RIT2: variants seen among roughly 807,000 people sequenced by gnomAD.
The protein encoded by RIT2 is GTP-binding protein Rit2.
Under a neutral mutation model 23.7 loss-of-function variants are expected in RIT2, and 24 were observed. That is an observed-to-expected ratio of 1.01 (90% confidence interval 0.73 to 1.43). RIT2 has a LOEUF of 1.43. Among genes scored for constraint, RIT2 ranks in the 40% most tolerant of loss-of-function variants. The probability of loss-of-function intolerance (pLI) is 0.00; values close to 1 mark genes in which losing one functional copy is unlikely to be tolerated. For missense variants in RIT2, 236 were observed against 266.9 expected, an observed-to-expected ratio of 0.88 and a Z score of 0.81; for synonymous variants, 107 against 91.1, an observed-to-expected ratio of 1.17 and a Z score of -0.99.
At chr18:42,810,193 A>T (rs1290325638) in intron 4 of RIT2, among the ~76,000 whole-genome samples, 2 of 151,250 alleles carry the variant, frequency 1.3e-5, no homozygotes, top group African/African-American at 4.8e-5. Context: ...TTGTAAGGTA[A>T]CTTTTAATGA....
chr18:42,820,395 C>T (rs988550416), intron 4 of RIT2, among the ~76,000 whole-genome samples: 2 of 152,032 alleles, frequency 1.3e-5, no homozygotes, highest in African/African-American at 4.8e-5. Flanking sequence ...ACTGAATTAT[C>T]TTTCATTCAT....
intron 4 of RIT2, among the ~76,000 whole-genome samples, chr18:42,800,545 C>T (rs1445099952): frequency 6.2e-5 from 8 of 129,732 alleles, no homozygotes; most frequent in African/African-American, 8.1e-5. Flanking sequence ...TTCTTTTAGA[C>T]GGAGTCTCGC....
intron 3 of RIT2, among the ~76,000 whole-genome samples, chr18:42,938,700 G>A (rs1466522311): frequency 6.6e-6 from 1 of 152,040 alleles, no homozygotes; most frequent in African/African-American, 2.4e-5. Context: ...CTTACTCTAA[G>A]AGAATTATTA....
intron 1 of RIT2, among the ~76,000 whole-genome samples, chr18:43,034,894 C>T (rs569288254): frequency 1.3e-5 from 2 of 152,214 alleles, no homozygotes; most frequent in South Asian, 4.1e-4. Context: ...ACAGGTGTAA[C>T]CCCTCCCCTC....
chr18:42,976,251 G>A (rs912178441), intron 2 of RIT2, among the ~76,000 whole-genome samples: 1 of 151,702 alleles, frequency 6.6e-6, no homozygotes, highest in African/African-American at 2.4e-5. Context: ...AGTGAAGCAA[G>A]AGAGAAAAGG....
rs1555647355 is a variant in RIT2 at position 42,929,034 on chromosome 18, G to GATTATATATAT, written c.235-5272_235-5271insATATATATAAT. Among the ~76,000 whole-genome samples, 67 of 96,946 alleles carry GATTATATATAT rather than the reference G, an allele frequency of 6.9e-4. 1 individual carries two copies. The highest frequency in any genetic ancestry group is 0.012 in the Middle Eastern group (2 of 172). 63.6% of individuals were successfully genotyped at this position (96,946 alleles called of 152,430 possible). ...ACATATACTAAAACTAAAATATGGA[G>GATTATATATAT]ATATATATATATATATATATATATT... On this transcript the variant is annotated intron_variant, in intron 3 of 4. Transcript: ENST00000326695.
chr18:42,961,828 A>G (rs1910100041), intron 3 of RIT2, among the ~76,000 whole-genome samples: 1 of 152,200 alleles, frequency 6.6e-6, no homozygotes, highest in Admixed American at 6.5e-5. Flanking sequence ...TCTAACATCA[A>G]TTAGTGGAGC....
chr18:42,786,572 T>C (rs1598653263), intron 4 of RIT2, among the ~76,000 whole-genome samples: 1 of 152,162 alleles, frequency 6.6e-6, no homozygotes, highest in Non-Finnish European at 1.5e-5. Context: ...TTAGTTCACA[T>C]AGTACAGTTT....
intron 4 of RIT2, among the ~76,000 whole-genome samples, chr18:42,808,726 T>C (rs1168151662): frequency 1.3e-5 from 2 of 152,020 alleles, no homozygotes; most frequent in African/African-American, 4.8e-5. Flanking sequence ...CCAGAAAAAA[T>C]GGTAGGACAT....
intron 4 of RIT2, among the ~76,000 whole-genome samples, chr18:42,918,236 GA>G (rs1908963644): frequency 6.6e-6 from 1 of 152,082 alleles, no homozygotes; most frequent in African/African-American, 2.4e-5. Flanking sequence ...TGACAGTAGC[GA>G]AAACATATAT....
At chr18:42,789,842 G>T (rs1447583860) in intron 4 of RIT2, among the ~76,000 whole-genome samples, 1 of 152,152 alleles carries the variant, frequency 6.6e-6, no homozygotes, top group Non-Finnish European at 1.5e-5. Context: ...GCTCTGGCTA[G>T]GACTTCCAGT....
chr18:42,849,515 A>G (rs1395710999), intron 4 of RIT2, among the ~76,000 whole-genome samples: 1 of 152,196 alleles, frequency 6.6e-6, no homozygotes, highest in East Asian at 1.9e-4. Context: ...ATTAGCTGAC[A>G]TGACGCAAAT....
intron 1 of RIT2, among the ~76,000 whole-genome samples, chr18:43,040,317 G>T (rs1051729159): frequency 6.6e-6 from 1 of 152,150 alleles, no homozygotes; most frequent in Non-Finnish European, 1.5e-5. Flanking sequence ...GTATAAGAAC[G>T]CTATTTCCTA....
intron 1 of RIT2, among the ~76,000 whole-genome samples, chr18:43,104,757 T>C (rs1164460569): frequency 6.6e-6 from 1 of 152,188 alleles, no homozygotes; most frequent in Non-Finnish European, 1.5e-5. Flanking sequence ...CTGAAGTTTT[T>C]ACAATTTCAA....
chr18:43,052,696 C>G (rs1251207885), intron 1 of RIT2, among the ~76,000 whole-genome samples: 1 of 152,100 alleles, frequency 6.6e-6, no homozygotes, highest in African/African-American at 2.4e-5. Context: ...AAACTCATAA[C>G]ATTTAGCTCA....
At chr18:42,882,195 T>C (rs1907912575) in intron 4 of RIT2, among the ~76,000 whole-genome samples, 1 of 152,228 alleles carries the variant, frequency 6.6e-6, no homozygotes, top group Non-Finnish European at 1.5e-5. Flanking sequence ...GGAAAATCAT[T>C]CAGCTACTGA....
chr18:43,090,289 A>G (rs1016984695), intron 1 of RIT2, among the ~76,000 whole-genome samples: 2 of 152,230 alleles, frequency 1.3e-5, no homozygotes, highest in Non-Finnish European at 2.9e-5. Flanking sequence ...ATCACTGATC[A>G]TTAGAGAAAT....
At chr18:42,827,334 A>AAAAT (rs1354896407) in intron 4 of RIT2, among the ~76,000 whole-genome samples, 28 of 152,300 alleles carry the variant, frequency 1.8e-4, no homozygotes, top group African/African-American at 6.7e-4. Flanking sequence ...AATCACATAA[A>AAAAT]AAATAAAACT....
At chr18:42,883,901 GC>G (rs1203866685) in intron 4 of RIT2, among the ~76,000 whole-genome samples, 1 of 152,116 alleles carries the variant, frequency 6.6e-6, no homozygotes, top group African/African-American at 2.4e-5. Context: ...CCCATTTGTA[GC>G]AGAACAATGT....
Sources: gnomAD v4.1 joint callset for allele counts (sites outside exome capture counted in the v4.1 genomes callset) on GRCh38, gnomAD v4.1.1 for gene constraint, MANE v1.5 for transcripts, NCBI Gene and HGNC (gene_info 2026-07-23, HGNC 2026-07-21) for gene names.